The following CHST11 variants were observed in gnomAD, a reference collection of about 807,000 sequenced individuals.
CHST11 encodes carbohydrate sulfotransferase 11.
A neutral mutation model predicts 30.4 loss-of-function variants in CHST11; 9 were observed. The observed-to-expected ratio is 0.30, with a 90% CI of 0.18 to 0.52. The LOEUF (loss-of-function observed/expected upper bound fraction) is 0.52. Ranked by LOEUF, CHST11 falls within the 20% of genes least tolerant of loss-of-function variation. CHST11 has a pLI of 0.97. For synonymous variants in CHST11, 152 were observed against 187.8 expected, an observed-to-expected ratio of 0.81 and a Z score of 1.56; for missense variants, 348 against 460.6, an observed-to-expected ratio of 0.76 and a Z score of 2.24.
Position 104,457,302 on chromosome 12 carries a change from C to T in CHST11, c.-110C>T. 2 of 707,880 alleles carry T rather than the reference C, an allele frequency of 2.8e-6. No homozygotes were observed. The highest frequency in any genetic ancestry group is 2.7e-5 in the East Asian group (1 of 37,102). The allele number at this position is 707,880 out of a possible 1,614,324, so 43.8% of individuals were successfully genotyped here. On this transcript the variant is annotated 5_prime_UTR_variant, in exon 1 of 3. Transcript: ENST00000303694. ...ACTCCGATCCTCCCTCTGAGCCTTG[C>T]TCAGCTCTGCCCCGCGCCTCCCGGG...
Position 104,462,605 on chromosome 12 carries a change from T to C in CHST11, c.118+5076T>C, listed in dbSNP as rs567362277. 2.0e-5 allele frequency among the ~76,000 whole-genome samples: 3 copies of C among 152,176 alleles called. No individual in the cohort carries two copies. In the South Asian group the frequency reaches 6.2e-4, roughly 32 times the overall value. On this transcript the variant is annotated intron_variant, in intron 1 of 2. Transcript: ENST00000303694. ...TGCTTATACATGGAATAGTTTGGAGTCTTACCAATTTGTAGGGGCTGTTCT... is the reference window on the plus strand; with the variant it reads ...TGCTTATACATGGAATAGTTTGGAGCCTTACCAATTTGTAGGGGCTGTTCT...
intron 2 of CHST11, among the ~76,000 whole-genome samples, chr12:104,680,621 G>C (rs2039786216): frequency 6.6e-6 from 1 of 152,230 alleles, no homozygotes; most frequent in Admixed American, 6.5e-5. Context: ...CAGTGATTCA[G>C]CTCCTGCACC....
intron 2 of CHST11, among the ~76,000 whole-genome samples, chr12:104,622,664 GC>G (rs1359062447): frequency 6.6e-6 from 1 of 152,190 alleles, no homozygotes; most frequent in Non-Finnish European, 1.5e-5. Flanking sequence ...AGACACCCCT[GC>G]CAGGCACTAG....
chr12:104,736,310 G>T (rs772515891), intron 2 of CHST11, among the ~76,000 whole-genome samples: 9 of 152,156 alleles, frequency 5.9e-5, no homozygotes, highest in Non-Finnish European at 1.0e-4. Flanking sequence ...TGGAAGGAAA[G>T]GAAAGGAAGA....
intron 2 of CHST11, among the ~76,000 whole-genome samples, chr12:104,712,402 A>C (rs2040095134): frequency 6.6e-6 from 1 of 152,178 alleles, no homozygotes; most frequent in South Asian, 2.1e-4. Flanking sequence ...GCCAGTATAA[A>C]GCGCCTCACA....
At chr12:104,715,719 C>T (rs949333085) in intron 2 of CHST11, among the ~76,000 whole-genome samples, 8 of 152,140 alleles carry the variant, frequency 5.3e-5, no homozygotes, top group African/African-American at 1.9e-4. Flanking sequence ...CAGCCCCTCC[C>T]GGCTTAGGCT....
intron 2 of CHST11, among the ~76,000 whole-genome samples, chr12:104,654,041 A>C (rs993314976): frequency 6.6e-6 from 1 of 152,112 alleles, no homozygotes; most frequent in Non-Finnish European, 1.5e-5. Context: ...ATGTAATGGA[A>C]CCCTGTATGG....
At chr12:104,650,160 T>C (rs78721899) in intron 2 of CHST11, among the ~76,000 whole-genome samples, 1,712 of 152,306 alleles carry the variant, frequency 0.011, 33 homozygotes, top group African/African-American at 0.04. Context: ...CAGCACTGGA[T>C]GTGTAGCAAA....
chr12:104,606,687 G>A (rs753362474), intron 2 of CHST11, among the ~76,000 whole-genome samples: 7 of 152,286 alleles, frequency 4.6e-5, no homozygotes, highest in African/African-American at 1.4e-4. Flanking sequence ...TGACTCAAGC[G>A]AGACCTGAGG....
At chr12:104,654,959 G>T (rs77124724) in intron 2 of CHST11, among the ~76,000 whole-genome samples, 2 of 152,170 alleles carry the variant, frequency 1.3e-5, no homozygotes, top group Middle Eastern at 3.2e-3. Flanking sequence ...TGAAGCATCT[G>T]GTCCTGTGTC....
rs549085498 is a variant in CHST11, at chr12:104,676,784, C to T, written c.204+74793C>T. Among the ~76,000 whole-genome samples, 926 of 152,322 alleles carry T rather than the reference C, an allele frequency of 6.1e-3. 18 individuals are homozygous for T. The highest frequency in any genetic ancestry group is 9.5e-3 in the Non-Finnish European group (646 of 68,022). On this transcript the variant is annotated intron_variant, in intron 2 of 2. Coordinates refer to ENST00000303694, the MANE Select transcript of CHST11 (RefSeq NM_018413.6). The surrounding 1 kb of genome is among the most constrained non-coding windows in gnomAD (Gnocchi z 4.4). ...TCCCACCTCAAGACCCTTCACTCTA[C>T]CGCAGCTGCAAATTCTCCTTTTGCC...
rs139098724 is a variant in CHST11, at chr12:104,717,630, G to A, written c.205-39319G>A. Reference sequence around the variant, plus strand: ...TTACTAAAAATACAAAAATTAGATGGTGTGGTGGTAGGCGCCTGTAGTCCC... The same window carrying A: ...TTACTAAAAATACAAAAATTAGATGATGTGGTGGTAGGCGCCTGTAGTCCC... On this transcript the variant is annotated intron_variant, in intron 2 of 2. Transcript: ENST00000303694. Among the ~76,000 whole-genome samples, 92 of 152,266 alleles carry A rather than the reference G, an allele frequency of 6.0e-4. No homozygotes were observed. In the East Asian group the frequency reaches 0.018, roughly 29 times the overall value.
chr12:104,460,955 G>A (rs1475188658), intron 1 of CHST11, among the ~76,000 whole-genome samples: 2 of 152,180 alleles, frequency 1.3e-5, no homozygotes, highest in East Asian at 1.9e-4. Context: ...TTTTTTGCAC[G>A]GTGTCTGACA....
intron 1 of CHST11, among the ~76,000 whole-genome samples, chr12:104,592,119 C>T (rs1420085061): frequency 6.7e-6 from 1 of 148,788 alleles, no homozygotes; most frequent in East Asian, 2.1e-4. Context: ...CCCCTCCTCT[C>T]CCCTCCCATC....
intron 2 of CHST11, among the ~76,000 whole-genome samples, chr12:104,674,865 C>T (rs1253604814): frequency 2.6e-5 from 4 of 152,098 alleles, no homozygotes; most frequent in Admixed American, 2.0e-4. Context: ...GTAACCTGGG[C>T]AAGTCACGTA....
intron 2 of CHST11, among the ~76,000 whole-genome samples, chr12:104,687,787 A>T (rs1436299635): frequency 1.3e-5 from 2 of 151,824 alleles, no homozygotes; most frequent in Non-Finnish European, 2.9e-5. Context: ...CCCCCCCCAA[A>T]ATTTTTTTTT....
At chr12:104,637,480 G>A (rs2039337070) in intron 2 of CHST11, among the ~76,000 whole-genome samples, 2 of 152,058 alleles carry the variant, frequency 1.3e-5, no homozygotes, top group Admixed American at 1.3e-4. Flanking sequence ...AAAACTTAAA[G>A]TATAATAATA....
chr12:104,668,573 G>A (rs1220975797), intron 2 of CHST11, among the ~76,000 whole-genome samples: 1 of 152,216 alleles, frequency 6.6e-6, no homozygotes, highest in Non-Finnish European at 1.5e-5. Context: ...GATTAGCTGT[G>A]TTGTGCAGAA....
intron 2 of CHST11, among the ~76,000 whole-genome samples, chr12:104,657,743 T>C (rs1185398258): frequency 6.6e-6 from 1 of 152,186 alleles, no homozygotes; most frequent in East Asian, 1.9e-4. Flanking sequence ...AGACAGCTTC[T>C]TCCACCTTCA....
Sources: allele counts gnomAD v4.1 joint callset (sites outside exome capture counted in the v4.1 genomes callset), GRCh38; gene constraint gnomAD v4.1.1; non-coding constraint Gnocchi (gnomAD v3.1); transcripts MANE v1.5; gene names NCBI Gene and HGNC (gene_info 2026-07-23, HGNC 2026-07-21).